Variants in WWOX observed in about 807,000 individuals in gnomAD.
WWOX encodes the protein WW domain-containing oxidoreductase.
Under a neutral mutation model 46.2 loss-of-function variants are expected in WWOX, and 69 were observed. That is an observed-to-expected ratio of 1.49 (90% CI 1.23 to 1.82). WWOX has a LOEUF of 1.82. WWOX is among the 40% of genes most tolerant of loss of function. The probability of loss-of-function intolerance (pLI) is 0.00; values close to 1 mark genes in which losing one functional copy is unlikely to be tolerated. For synonymous variants in WWOX, 359 were observed against 202.6 expected, an observed-to-expected ratio of 1.77 and a Z score of -6.56; for missense variants, 919 against 542.6, an observed-to-expected ratio of 1.69 and a Z score of -6.89.
At chr16:78,381,213 T>A (rs1428243465) in intron 5 of WWOX, among the ~76,000 whole-genome samples, 2 of 152,254 alleles carry the variant, frequency 1.3e-5, no homozygotes, top group Non-Finnish European at 2.9e-5. Flanking sequence ...CAGAGTCACA[T>A]ATGGCTAATT....
intron 4 of WWOX, among the ~76,000 whole-genome samples, chr16:78,118,791 C>T (rs2151679871): frequency 6.6e-6 from 1 of 152,248 alleles, no homozygotes; most frequent in East Asian, 1.9e-4. Flanking sequence ...GAAATTTAGG[C>T]AAATGGAATG....
At chr16:78,752,548 G>A (rs899389937) in intron 8 of WWOX, among the ~76,000 whole-genome samples, 11 of 152,178 alleles carry the variant, frequency 7.2e-5, no homozygotes, top group Admixed American at 7.2e-4. Flanking sequence ...TGAGATTACA[G>A]GTGTGAGCCA....
rs557277022 is a variant in WWOX at position 78,283,792 on chromosome 16, C to T, written c.517-103068C>T. Reference sequence around the variant, plus strand: ...TGGGTTGAGCTAAATTCAGCTACGTCAAGGAAGAGCAATAAAAGGAGATGG... The same window carrying T: ...TGGGTTGAGCTAAATTCAGCTACGTTAAGGAAGAGCAATAAAAGGAGATGG... On this transcript the variant is annotated intron_variant, in intron 5 of 8. Coordinates refer to ENST00000566780, the MANE Select transcript of WWOX (RefSeq NM_016373.4). Among the ~76,000 whole-genome samples, 4 of 152,174 alleles carry T rather than the reference C, an allele frequency of 2.6e-5. 1 individual carries two copies. The South Asian group carries it at 8.3e-4, about 32-fold the overall frequency.
chr16:78,907,026 G>T (rs2044983187), intron 8 of WWOX, among the ~76,000 whole-genome samples: 1 of 152,174 alleles, frequency 6.6e-6, no homozygotes, highest in South Asian at 2.1e-4. Context: ...CAGGGGAATT[G>T]CAATAGGGAA....
intron 8 of WWOX, among the ~76,000 whole-genome samples, chr16:78,595,715 G>C (rs2045473359): frequency 6.6e-6 from 1 of 152,152 alleles, no homozygotes. Context: ...CCTGCACTCA[G>C]TACATCTATA....
chr16:78,610,028 G>T lies in WWOX; in HGVS notation c.1056+177276G>T, dbSNP rs78867601. ...TTTATTTAGCAGAAGGTAGCTCTGC[G>T]AATCCGCTGAATGTCCGATTGCGAT... is the stretch of plus-strand genomic sequence containing the variant. On this transcript the variant is annotated intron_variant, in intron 8 of 8. Transcript: ENST00000566780. 3.5e-3 allele frequency among the ~76,000 whole-genome samples: 512 copies of T among 146,334 alleles called. 3 individuals carry two copies. Among genetic ancestry groups the T allele is most frequent in the African/African-American group, 0.013 (494 of 39,272 alleles).
At chr16:78,622,416 C>G (rs949260383) in intron 8 of WWOX, among the ~76,000 whole-genome samples, 1 of 152,036 alleles carries the variant, frequency 6.6e-6, no homozygotes. Flanking sequence ...GTAGTGTACA[C>G]CCATAATCCC....
intron 8 of WWOX, among the ~76,000 whole-genome samples, chr16:78,905,200 A>G (rs2044930612): frequency 6.6e-6 from 1 of 152,184 alleles, no homozygotes; most frequent in Admixed American, 6.5e-5. Flanking sequence ...CATGAGGTTG[A>G]TGGCCAATCT....
intron 8 of WWOX, among the ~76,000 whole-genome samples, chr16:78,682,955 A>T (rs2047764752): frequency 6.6e-6 from 1 of 152,160 alleles, no homozygotes; most frequent in Admixed American, 6.5e-5. Context: ...TTCCCCGCGT[A>T]AATGAATGAT....
At position 78,912,827 on chromosome 16, in the gene WWOX, C is replaced by T. The variant is rs182277234; in HGVS notation, c.1057-298781C>T. ...GAGAGAGGAAGATATACAAGGTTCT[C>T]CCTCAAGAGGTCAGACGTATTATCA... is the stretch of plus-strand genomic sequence containing the variant. On this transcript the variant is annotated intron_variant, in intron 8 of 8. Transcript: ENST00000566780. Among the ~76,000 whole-genome samples, 14 of 152,086 alleles carry T rather than the reference C, an allele frequency of 9.2e-5. No individual in the cohort carries two copies. The East Asian group carries it at 1.4e-3, about 15-fold the overall frequency.
intron 8 of WWOX, among the ~76,000 whole-genome samples, chr16:79,035,150 G>A (rs146560655): frequency 2.1e-4 from 32 of 152,178 alleles, no homozygotes; most frequent in African/African-American, 5.8e-4. Context: ...TCATTTGACC[G>A]TCAGTATTTT....
chr16:78,355,892 T>G (rs7206533), intron 5 of WWOX: 291,938 of 460,290 alleles, frequency 0.63, 99,039 homozygotes, highest in African/African-American at 0.82. Flanking sequence ...CCTCTCTAAA[T>G]GTGCAAGATA....
At chr16:78,192,508 A>G (rs927569230) in intron 5 of WWOX, among the ~76,000 whole-genome samples, 2 of 151,694 alleles carry the variant, frequency 1.3e-5, no homozygotes, top group African/African-American at 2.4e-5. Context: ...AAAAAAAAAA[A>G]AAAGAAAGAA....
intron 4 of WWOX, among the ~76,000 whole-genome samples, chr16:78,135,695 A>G (rs1213653433): frequency 6.6e-6 from 1 of 151,456 alleles, no homozygotes; most frequent in East Asian, 1.9e-4. Flanking sequence ...AAAAAAAAAC[A>G]AAACAACAAC....
In WWOX at chr16:78,173,395, C is replaced by A. The variant is rs367878929; in HGVS notation, c.516+9106C>A. Among the ~76,000 whole-genome samples the A allele has an allele frequency of 2.3e-4, 35 of 152,128 alleles. No homozygotes were observed. In the South Asian group the frequency reaches 5.4e-3, roughly 23 times the overall value. Reference sequence around the variant, plus strand: ...CCTTGACCTCCTGGGCTCAAGTGATCCTCCCATCTCTGCCTCCTGAGTAGC... The same window carrying A: ...CCTTGACCTCCTGGGCTCAAGTGATACTCCCATCTCTGCCTCCTGAGTAGC... On this transcript the variant is annotated intron_variant, in intron 5 of 8. Coordinates refer to ENST00000566780, the MANE Select transcript of WWOX (RefSeq NM_016373.4).
intron 4 of WWOX, among the ~76,000 whole-genome samples, chr16:78,152,807 C>T (rs1396340043): frequency 6.6e-6 from 1 of 152,226 alleles, no homozygotes; most frequent in East Asian, 1.9e-4. Flanking sequence ...ACATTACGGC[C>T]TCAGCCTTGT....
intron 5 of WWOX, among the ~76,000 whole-genome samples, chr16:78,330,271 T>G (rs1024489543): frequency 5.9e-5 from 9 of 152,168 alleles, no homozygotes; most frequent in Non-Finnish European, 1.0e-4. Context: ...CTTAAAGTGG[T>G]TAAAATGATA....
At chr16:79,059,099 A>G (rs2048315796) in intron 8 of WWOX, among the ~76,000 whole-genome samples, 1 of 152,258 alleles carries the variant, frequency 6.6e-6, no homozygotes, top group South Asian at 2.1e-4. Context: ...GACATTTTAA[A>G]TTAATGTGAA....
intron 8 of WWOX, among the ~76,000 whole-genome samples, chr16:78,867,954 C>G (rs558379662): frequency 2.0e-5 from 3 of 152,206 alleles, no homozygotes; most frequent in African/African-American, 7.2e-5. Flanking sequence ...TAAAATGGTA[C>G]AATGAATTTG....
Sources: gnomAD v4.1 joint callset for allele counts (sites outside exome capture counted in the v4.1 genomes callset) on GRCh38, gnomAD v4.1.1 for gene constraint, MANE v1.5 for transcripts, NCBI Gene and HGNC (gene_info 2026-07-23, HGNC 2026-07-21) for gene names.